Variants in ROBO2 observed in about 807,000 individuals in gnomAD.
ROBO2 encodes roundabout homolog 2.
A neutral mutation model predicts 160.8 loss-of-function variants in ROBO2; 53 were observed. That is an observed-to-expected ratio of 0.33 (90% CI 0.26 to 0.41). The LOEUF is 0.41. ROBO2 is among the 10% of genes least tolerant of loss of function. The pLI, the probability that ROBO2 is intolerant of heterozygous loss-of-function variation, is 1.00. For missense variants in ROBO2, 1,577 were observed against 1,722.4 expected, an observed-to-expected ratio of 0.92 and a Z score of 1.49; for synonymous variants, 664 against 611.7, an observed-to-expected ratio of 1.09 and a Z score of -1.26.
chr3:77,589,862 T>A (rs2094139588), intron 17 of ROBO2, among the ~76,000 whole-genome samples: 1 of 152,172 alleles, frequency 6.6e-6, no homozygotes, highest in Non-Finnish European at 1.5e-5. Flanking sequence ...AGTTTTAATT[T>A]GACATTATTT....
At chr3:76,959,265 A>C (rs2079487470) in intron 2 of ROBO2, among the ~76,000 whole-genome samples, 1 of 152,214 alleles carries the variant, frequency 6.6e-6, no homozygotes, top group South Asian at 2.1e-4. Flanking sequence ...GTTGCTTATA[A>C]AGGTTCAAAT....
intron 2 of ROBO2, among the ~76,000 whole-genome samples, chr3:77,271,025 A>T (rs917818075): frequency 6.6e-6 from 1 of 151,756 alleles, no homozygotes; most frequent in Admixed American, 6.6e-5. Flanking sequence ...GAGAAATAAT[A>T]TTTTACCAAT....
In ROBO2 at chr3:76,520,898, G is replaced by T. The variant is rs753442462; in HGVS notation, c.110-577116G>T. Reference sequence around the variant, plus strand: ...GTAACCTTTCATATCTGGACTGTACGGTCTCTTAGATAGAGTGAGTTCCCA... The same window carrying T: ...GTAACCTTTCATATCTGGACTGTACTGTCTCTTAGATAGAGTGAGTTCCCA... On this transcript the variant is annotated intron_variant, in intron 2 of 26. Transcript: ENST00000487694. Among the ~76,000 whole-genome samples the T allele has an allele frequency of 9.9e-5, 15 of 151,956 alleles. 1 individual carries two copies. Among genetic ancestry groups the T allele is most frequent in the Non-Finnish European group, 1.8e-4 (12 of 67,988 alleles).
intron 2 of ROBO2, among the ~76,000 whole-genome samples, chr3:76,163,160 T>C (rs901520872): frequency 6.6e-6 from 1 of 152,048 alleles, no homozygotes; most frequent in African/African-American, 2.4e-5. Flanking sequence ...TCTGATAACT[T>C]TGCCTAGGAA....
At chr3:76,763,801 C>A (rs529096001) in intron 2 of ROBO2, among the ~76,000 whole-genome samples, 40 of 151,852 alleles carry the variant, frequency 2.6e-4, no homozygotes, top group Non-Finnish European at 5.0e-4. Context: ...AAGCTCCAAA[C>A]TGCTGCCATT....
intron 2 of ROBO2, among the ~76,000 whole-genome samples, chr3:76,550,963 C>T (rs940634044): frequency 7.9e-5 from 12 of 151,938 alleles, no homozygotes; most frequent in South Asian, 2.1e-4. Context: ...TGGCAGGAGG[C>T]GGACAGGTTC....
chr3:75,925,225 T>G (rs544755515), intron 1 of ROBO2, among the ~76,000 whole-genome samples: 1 of 151,914 alleles, frequency 6.6e-6, no homozygotes, highest in Admixed American at 6.6e-5. Flanking sequence ...AAACCCCATC[T>G]CTACAAAAAA....
intron 2 of ROBO2, among the ~76,000 whole-genome samples, chr3:77,228,414 A>AACAC (rs55991541): frequency 0.029 from 4,353 of 148,950 alleles, 72 homozygotes; most frequent in Middle Eastern, 0.055. Context: ...TACATGCACA[A>AACAC]ACACACACAC....
intron 3 of ROBO2, among the ~76,000 whole-genome samples, chr3:77,478,027 A>T (rs536960455): frequency 5.9e-5 from 9 of 151,912 alleles, no homozygotes; most frequent in African/African-American, 2.2e-4. Context: ...GGGTTTCACC[A>T]TGTTGGCCAG....
intron 2 of ROBO2, among the ~76,000 whole-genome samples, chr3:76,872,914 T>A (rs1436771387): frequency 6.6e-6 from 1 of 152,124 alleles, no homozygotes; most frequent in African/African-American, 2.4e-5. Flanking sequence ...AAGTGAGCAG[T>A]AGAAACATGA....
intron 2 of ROBO2, among the ~76,000 whole-genome samples, chr3:76,809,224 G>A (rs764266971): frequency 4.6e-5 from 7 of 152,080 alleles, no homozygotes; most frequent in South Asian, 2.1e-4. Flanking sequence ...TTTATCAGAG[G>A]CTTGACTGGG....
chr3:76,013,931 G>A (rs1487768729), intron 2 of ROBO2, among the ~76,000 whole-genome samples: 1 of 151,444 alleles, frequency 6.6e-6, no homozygotes, highest in Non-Finnish European at 1.5e-5. Context: ...GGCAGTTGGT[G>A]ACTGGGCACG....
intron 2 of ROBO2, among the ~76,000 whole-genome samples, chr3:76,723,491 AAC>A (rs2093497509): frequency 6.6e-6 from 1 of 152,146 alleles, no homozygotes; most frequent in Non-Finnish European, 1.5e-5. Flanking sequence ...GTGCAGAGGC[AAC>A]ACAGTTTCCT....
intron 2 of ROBO2, among the ~76,000 whole-genome samples, chr3:76,685,340 T>C (rs1252352628): frequency 6.6e-6 from 1 of 152,088 alleles, no homozygotes. Context: ...ATTTTGACAC[T>C]GTGCTTCAAA....
chr3:76,407,932 G>GA (rs1256795261), intron 2 of ROBO2, among the ~76,000 whole-genome samples: 2 of 131,820 alleles, frequency 1.5e-5, no homozygotes, highest in African/African-American at 4.9e-5. Flanking sequence ...ATTCTTTTGT[G>GA]ATTTTTTTTT....
rs1319638972 is a variant in ROBO2, at chr3:76,409,615, G to A, written c.109+472013G>A. 2.6e-5 allele frequency among the ~76,000 whole-genome samples: 4 copies of A among 152,046 alleles called. No homozygotes were observed. In the East Asian group the frequency reaches 5.8e-4, roughly 22 times the overall value. ...TATAGTTTATTGAGGAGGAACAGGTGCAGTAACTTGAAGCATGTTATCTGG... is the reference window on the plus strand; with the variant it reads ...TATAGTTTATTGAGGAGGAACAGGTACAGTAACTTGAAGCATGTTATCTGG... On this transcript the variant is annotated intron_variant, in intron 2 of 26. Transcript: ENST00000487694.
rs1252347974 is a variant in ROBO2 at position 75,910,578 on chromosome 3, T to C, written c.-14+3618T>C. ...TCCCCTGTCCCCCTTTGTAGTGACA[T>C]TGATGGCATAAGGGAGTAGTAGATG... On this transcript the variant is annotated intron_variant, in intron 1 of 26. Coordinates refer to the ROBO2 transcript ENST00000487694. Among the ~76,000 whole-genome samples the C allele has an allele frequency of 5.9e-5, 9 of 152,296 alleles. No homozygotes were observed. The East Asian group carries it at 1.4e-3, about 23-fold the overall frequency.
At chr3:75,914,056 C>G (rs531735481) in intron 1 of ROBO2, among the ~76,000 whole-genome samples, 2 of 152,090 alleles carry the variant, frequency 1.3e-5, no homozygotes, top group Non-Finnish European at 2.9e-5. Context: ...TTGAAATGCC[C>G]TGTTCAAATT....
chr3:77,570,185 T>C (rs1305029188), intron 13 of ROBO2, among the ~76,000 whole-genome samples: 2 of 152,068 alleles, frequency 1.3e-5, no homozygotes, highest in African/African-American at 4.8e-5. Context: ...AGGCGGATTC[T>C]TTTAAGCTGC....
Sources: gnomAD v4.1 joint callset for allele counts (sites outside exome capture counted in the v4.1 genomes callset) on GRCh38, gnomAD v4.1.1 for gene constraint, MANE v1.5 for transcripts, NCBI Gene and HGNC (gene_info 2026-07-23, HGNC 2026-07-21) for gene names.